The following CEP112 variants were observed in gnomAD, a reference collection of about 807,000 sequenced individuals.
The protein encoded by CEP112 is centrosomal protein 112.
Under a neutral mutation model 153.0 loss-of-function variants are expected in CEP112, and 127 were observed. The observed-to-expected ratio is 0.83, with a 90% CI of 0.72 to 0.96. The LOEUF (loss-of-function observed/expected upper bound fraction) is 0.96. Among genes scored for constraint, CEP112 ranks in the 40% least tolerant of loss-of-function variants. The pLI, the probability that CEP112 is intolerant of heterozygous loss-of-function variation, is 0.00. For missense variants in CEP112, 1,089 were observed against 1,101.2 expected, an observed-to-expected ratio of 0.99 and a Z score of 0.16; for synonymous variants, 358 against 374.4, an observed-to-expected ratio of 0.96 and a Z score of 0.51.
chr17:66,090,394 A>T (rs544937320), intron 8 of CEP112, among the ~76,000 whole-genome samples: 1 of 152,220 alleles, frequency 6.6e-6, no homozygotes, highest in African/African-American at 2.4e-5. Context: ...ATATAAAAAG[A>T]TGTAAATTGT....
At chr17:66,040,432 T>C (rs2065919727) in intron 12 of CEP112, among the ~76,000 whole-genome samples, 1 of 152,088 alleles carries the variant, frequency 6.6e-6, no homozygotes, top group South Asian at 2.1e-4. Context: ...ATGCAAGACC[T>C]TTATTGAATA....
At chr17:65,932,709 C>A (rs1416217791) in intron 18 of CEP112, among the ~76,000 whole-genome samples, 4 of 152,012 alleles carry the variant, frequency 2.6e-5, no homozygotes, top group Admixed American at 2.6e-4. Flanking sequence ...GGCGAAGGTG[C>A]CACACACGTT....
At chr17:65,678,519 C>T (rs1358200845) in intron 24 of CEP112, among the ~76,000 whole-genome samples, 1 of 151,974 alleles carries the variant, frequency 6.6e-6, no homozygotes, top group Non-Finnish European at 1.5e-5. Context: ...AAAAATTAAA[C>T]GAAAAGACAT....
At chr17:65,743,008 C>T (rs1446995672) in intron 23 of CEP112, 60 bp downstream of exon 23, 54 of 1,398,886 alleles carry the variant, frequency 3.9e-5, no homozygotes, top group Non-Finnish European at 5.1e-5. Flanking sequence ...GGGATTTCAG[C>T]CCTCCTTTTA....
At chr17:65,826,388 A>C in intron 21 of CEP112, 2 of 1,589,262 alleles carry the variant, frequency 1.3e-6, no homozygotes, top group South Asian at 2.3e-5. Flanking sequence ...ACAAGAAGCC[A>C]GTGAGAGCAC....
At chr17:65,937,559 A>T (rs2061368362) in intron 18 of CEP112, among the ~76,000 whole-genome samples, 2 of 94,856 alleles carry the variant, frequency 2.1e-5, no homozygotes, top group South Asian at 6.2e-4. Context: ...CCCGTCCGGG[A>T]GGGAGGTGGG....
In CEP112 at chr17:66,042,990, G is replaced by A. The variant is rs938928720; in HGVS notation, c.1218+10746C>T. On this transcript the variant is annotated intron_variant, in intron 12 of 26. Transcript: ENST00000535342. The stretch of plus-strand genomic sequence containing the variant: ...AATCAAATTCTAGCTATCTCAGTGT[G>A]TCCATGAGTAGTTCTATGAATTATC... 6 of 504,162 alleles carry A rather than the reference G, an allele frequency of 1.2e-5. No individual in the cohort carries two copies. The African/African-American group carries it at 1.3e-4, about 11-fold the overall frequency. The allele number at this position is 504,162 out of a possible 1,614,324, so 31.2% of individuals were successfully genotyped here.
intron 4 of CEP112, 82 bp from the exon 5 acceptor site, chr17:66,132,845 T>C (rs1396496833): frequency 4.2e-6 from 4 of 953,222 alleles, no homozygotes; most frequent in Non-Finnish European, 5.1e-6. Flanking sequence ...ACCATTTCTT[T>C]CCCTTGGAAC....
chr17:65,916,988 A>C (rs1307055746), intron 19 of CEP112, among the ~76,000 whole-genome samples: 1 of 152,156 alleles, frequency 6.6e-6, no homozygotes, highest in Non-Finnish European at 1.5e-5. Context: ...CACCCTTTCT[A>C]TGACTCTAGG....
At chr17:65,910,139 A>G (rs1035604210) in intron 19 of CEP112, among the ~76,000 whole-genome samples, 4 of 152,186 alleles carry the variant, frequency 2.6e-5, no homozygotes, top group African/African-American at 9.7e-5. Context: ...AATTGTTAAA[A>G]GACAGAGCCA....
chr17:65,692,844 A>G (rs1422513710), intron 23 of CEP112, among the ~76,000 whole-genome samples: 1 of 152,166 alleles, frequency 6.6e-6, no homozygotes, highest in East Asian at 1.9e-4. Flanking sequence ...CACAGGTGAC[A>G]CTGAATTCAT....
chr17:66,154,612 T>C (rs952682119), intron 4 of CEP112, among the ~76,000 whole-genome samples: 1 of 152,140 alleles, frequency 6.6e-6, no homozygotes, highest in Non-Finnish European at 1.5e-5. Context: ...CCTCACTTCA[T>C]ACATAAAAAT....
chr17:66,110,192 C>T (rs1014307148), intron 6 of CEP112, among the ~76,000 whole-genome samples: 3 of 151,756 alleles, frequency 2.0e-5, no homozygotes, highest in African/African-American at 7.3e-5. Context: ...GTTAGCCAGG[C>T]GTGGTTGTAC....
intron 12 of CEP112, among the ~76,000 whole-genome samples, chr17:66,047,680 A>G (rs2066270720): frequency 6.6e-6 from 1 of 152,236 alleles, no homozygotes; most frequent in Admixed American, 6.5e-5. Context: ...TACTTGCTAC[A>G]TACATGTAAA....
chr17:66,049,121 C>T (rs1420061811), intron 12 of CEP112, among the ~76,000 whole-genome samples: 2 of 152,144 alleles, frequency 1.3e-5, no homozygotes, highest in African/African-American at 2.4e-5. Context: ...AACAGTGGTC[C>T]TGTGGTATTA....
intron 4 of CEP112, among the ~76,000 whole-genome samples, chr17:66,134,855 T>C (rs1344562356): frequency 6.6e-6 from 1 of 152,144 alleles, no homozygotes; most frequent in East Asian, 1.9e-4. Context: ...CATTTTTCCA[T>C]GGTTCTCATC....
At chr17:65,917,911 T>C (rs1364574959) in intron 19 of CEP112, among the ~76,000 whole-genome samples, 1 of 152,108 alleles carries the variant, frequency 6.6e-6, no homozygotes, top group Non-Finnish European at 1.5e-5. Flanking sequence ...GCGCGGTGGC[T>C]CACGCCTGTA....
At chr17:65,785,077 T>C (rs2054210687) in intron 21 of CEP112, among the ~76,000 whole-genome samples, 1 of 152,264 alleles carries the variant, frequency 6.6e-6, no homozygotes. Context: ...ATTTAAATCA[T>C]ACAACATATG....
At chr17:66,043,478 A>G (rs1475368076) in intron 12 of CEP112, among the ~76,000 whole-genome samples, 1 of 152,186 alleles carries the variant, frequency 6.6e-6, no homozygotes, top group Non-Finnish European at 1.5e-5. Flanking sequence ...TATTTTTAAA[A>G]TACTATTCTG....
Sources: gnomAD v4.1 joint callset for allele counts (sites outside exome capture counted in the v4.1 genomes callset) on GRCh38, gnomAD v4.1.1 for gene constraint, MANE v1.5 for transcripts, NCBI Gene and HGNC (gene_info 2026-07-23, HGNC 2026-07-21) for gene names.